The following THADA variants were observed in gnomAD, a reference collection of about 807,000 sequenced individuals.
THADA encodes THADA armadillo repeat containing.
In THADA, 213 loss-of-function variants were observed where a neutral mutation model predicts 219.8. The ratio of observed to expected loss-of-function variants is 0.97; its 90% CI spans 0.87 to 1.09. The LOEUF (loss-of-function observed/expected upper bound fraction) is 1.09. THADA is among the 50% of genes least tolerant of loss of function. The pLI is 0.00. For missense variants in THADA, 2,956 were observed against 2,311.3 expected, an observed-to-expected ratio of 1.28 and a Z score of -5.72; for synonymous variants, 1,018 against 828.9, an observed-to-expected ratio of 1.23 and a Z score of -3.92.
intron 8 of THADA, among the ~76,000 whole-genome samples, chr2:43,579,109 C>A (rs879900986): frequency 6.6e-6 from 1 of 152,228 alleles, no homozygotes; most frequent in Non-Finnish European, 1.5e-5. Flanking sequence ...GGATTACAGG[C>A]ATGAGCCACT....
chr2:43,311,091 G>A (rs559140983), intron 31 of THADA, among the ~76,000 whole-genome samples: 5 of 152,010 alleles, frequency 3.3e-5, no homozygotes, highest in Non-Finnish European at 7.4e-5. Flanking sequence ...CAGGAGAATC[G>A]CTTGAAACCG....
At chr2:43,252,083 C>T (rs1020146646) in intron 36 of THADA, among the ~76,000 whole-genome samples, 4 of 152,176 alleles carry the variant, frequency 2.6e-5, no homozygotes, top group Non-Finnish European at 4.4e-5. Flanking sequence ...GAAGTCCATA[C>T]TAACCATCTC....
At chr2:43,299,586 C>G (rs1676011725) in intron 31 of THADA, among the ~76,000 whole-genome samples, 1 of 151,814 alleles carries the variant, frequency 6.6e-6, no homozygotes. Flanking sequence ...CGCTTGAACC[C>G]AAGAGGCGGA....
chr2:43,371,697 A>T (rs1474615343), intron 29 of THADA, among the ~76,000 whole-genome samples: 1 of 152,234 alleles, frequency 6.6e-6, no homozygotes, highest in Non-Finnish European at 1.5e-5. Flanking sequence ...CTTGGCAAAC[A>T]AAATAAATTA....
chr2:43,240,287 C>T (rs563167416), intron 36 of THADA, among the ~76,000 whole-genome samples: 2 of 152,284 alleles, frequency 1.3e-5, no homozygotes, highest in East Asian at 1.9e-4. Context: ...CAGCGTCTGA[C>T]GGAGTGAGTG....
At chr2:43,296,463 A>T (rs1340350878) in intron 31 of THADA, among the ~76,000 whole-genome samples, 1 of 151,666 alleles carries the variant, frequency 6.6e-6, no homozygotes, top group Non-Finnish European at 1.5e-5. Flanking sequence ...TTTAGTAGAG[A>T]CAGGGTTTCA....
chr2:43,479,460 A>C (rs1189369061), intron 26 of THADA, among the ~76,000 whole-genome samples: 1 of 152,194 alleles, frequency 6.6e-6, no homozygotes, highest in Non-Finnish European at 1.5e-5. Context: ...TATTAGTATC[A>C]TTTTAATTAA....
At chr2:43,275,411 C>T (rs953968741) in intron 36 of THADA, among the ~76,000 whole-genome samples, 4 of 152,146 alleles carry the variant, frequency 2.6e-5, no homozygotes, top group South Asian at 2.1e-4. Flanking sequence ...AGGGGGAGAT[C>T]CAGTGCCAGG....
intron 29 of THADA, among the ~76,000 whole-genome samples, chr2:43,365,791 T>C (rs1203292693): frequency 6.6e-6 from 1 of 152,078 alleles, no homozygotes; most frequent in Non-Finnish European, 1.5e-5. Flanking sequence ...GGGTGAATGG[T>C]AGTCTCATTT....
chr2:43,323,799 C>T (rs556356982), intron 30 of THADA, among the ~76,000 whole-genome samples: 26 of 152,262 alleles, frequency 1.7e-4, no homozygotes, highest in Admixed American at 3.9e-4. Context: ...TACTTCCAAC[C>T]GGGCCATGTA....
At chr2:43,570,360 C>A (rs751759899) in intron 14 of THADA, 28 bp downstream of exon 14, 1 of 1,564,156 alleles carries the variant, frequency 6.4e-7, no homozygotes, top group Non-Finnish European at 8.6e-7. Context: ...TAAAAAAAAA[C>A]TCTCATGTTT....
At chr2:43,465,687 C>G (rs1684148103) in intron 26 of THADA, among the ~76,000 whole-genome samples, 1 of 152,212 alleles carries the variant, frequency 6.6e-6, no homozygotes, top group Non-Finnish European at 1.5e-5. Context: ...TCTACCCTAG[C>G]CCCTCTGGGT....
Position 43,231,346 on chromosome 2 carries a change from A to T in THADA, c.5467-3T>A, listed in dbSNP as rs2288621. 2.4e-4 allele frequency: 359 copies of T among 1,517,396 alleles called. 1 individual carries two copies. In the East Asian group the frequency reaches 6.7e-3, roughly 28 times the overall value. 94.0% of individuals were successfully genotyped at this position (1,517,396 alleles called of 1,614,324 possible). On this transcript the variant is annotated splice_polypyrimidine_tract_variant and splice_region_variant and intron_variant, in intron 37 of 37. Transcript: ENST00000405975. ...TCAAACAGGTAGTCTTCTTCCACCT[A>T]AATCAGATGAAAAAGCCGAAAGTCA... is the stretch of plus-strand genomic sequence containing the variant.
rs1369644157 is a variant in THADA at position 43,435,244 on chromosome 2, C to T, written c.3837-4942G>A. 2.6e-5 allele frequency among the ~76,000 whole-genome samples: 4 copies of T among 152,212 alleles called. No individual in the cohort carries two copies. The East Asian group carries it at 5.8e-4, about 22-fold the overall frequency. ...CCCAGGTGAGAGGATCACCTGAGGT[C>T]GGGAGTTCAAGACCAGCCTGACCAA... On this transcript the variant is annotated intron_variant, in intron 26 of 37. Transcript: ENST00000405975.
At chr2:43,335,060 A>C (rs1319536019) in intron 30 of THADA, among the ~76,000 whole-genome samples, 4 of 152,082 alleles carry the variant, frequency 2.6e-5, no homozygotes, top group Non-Finnish European at 4.4e-5. Context: ...AGAGCCTGGC[A>C]CTCTGACCCT....
At chr2:43,511,766 T>G (rs1182598912) in intron 22 of THADA, among the ~76,000 whole-genome samples, 1 of 152,218 alleles carries the variant, frequency 6.6e-6, no homozygotes, top group African/African-American at 2.4e-5. Context: ...GGACTTTTCC[T>G]TTCTCTAAAC....
chr2:43,243,480 A>T (rs1295360740), intron 36 of THADA, among the ~76,000 whole-genome samples: 1 of 152,128 alleles, frequency 6.6e-6, no homozygotes, highest in Non-Finnish European at 1.5e-5. Context: ...CACAACCGCA[A>T]ACAGTCCCTT....
In THADA at chr2:43,508,792, A is replaced by T. The variant is rs529083139; in HGVS notation, c.3375-12T>A. 1.6e-4 allele frequency: 251 copies of T among 1,610,784 alleles called. No homozygotes were observed. In the South Asian group the frequency reaches 2.6e-3, roughly 16 times the overall value. On this transcript the variant is annotated splice_polypyrimidine_tract_variant and intron_variant, in intron 22 of 37. Coordinates refer to ENST00000405975, the MANE Select transcript of THADA (RefSeq NM_022065.5). ...TCACATTTGGGCACCTAAAAGGCATATATAATCAAATATTCGGAATTAGGT... is the reference window on the plus strand; with the variant it reads ...TCACATTTGGGCACCTAAAAGGCATTTATAATCAAATATTCGGAATTAGGT...
At chr2:43,232,940 C>A in intron 36 of THADA, 58 bp from the exon 37 acceptor site, 1 of 1,523,988 alleles carries the variant, frequency 6.6e-7, no homozygotes, top group Non-Finnish European at 8.9e-7. Flanking sequence ...GACCCCAGGG[C>A]AGCCTGCAGG....
Sources: allele counts gnomAD v4.1 joint callset (sites outside exome capture counted in the v4.1 genomes callset), GRCh38; gene constraint gnomAD v4.1.1; transcripts MANE v1.5; gene names NCBI Gene and HGNC (gene_info 2026-07-23, HGNC 2026-07-21).